HTT: variants seen among roughly 807,000 people sequenced by gnomAD.
HTT encodes the protein huntington disease protein.
Under a neutral mutation model 362.3 loss-of-function variants are expected in HTT, and 104 were observed. That is an observed-to-expected ratio of 0.29 (90% confidence interval 0.24 to 0.34). The LOEUF is 0.34. Ranked by LOEUF, HTT falls within the 10% of genes least tolerant of loss-of-function variation. The probability of loss-of-function intolerance (pLI) is 1.00; values close to 1 mark genes in which losing one functional copy is unlikely to be tolerated. For missense variants in HTT, 3,301 were observed against 3,928.6 expected (o/e 0.84, Z 4.27); for synonymous variants, 1,577 against 1,548.7 (o/e 1.02, Z -0.43).
chr4:3,098,569 C>T (rs1713987333), intron 2 of HTT, among the ~76,000 whole-genome samples: 1 of 152,202 alleles, frequency 6.6e-6, no homozygotes, highest in Non-Finnish European at 1.5e-5. Flanking sequence ...TTAGCTCTCT[C>T]TTGGCTTTGT....
chr4:3,096,547 T>A (rs900016972), intron 2 of HTT, among the ~76,000 whole-genome samples: 2 of 152,196 alleles, frequency 1.3e-5, no homozygotes, highest in Non-Finnish European at 2.9e-5. Flanking sequence ...TAAGTTGGAA[T>A]ATATTATAGG....
chr4:3,168,208 G>A (rs1333519997), intron 29 of HTT, among the ~76,000 whole-genome samples: 1 of 152,208 alleles, frequency 6.6e-6, no homozygotes, highest in Non-Finnish European at 1.5e-5. Flanking sequence ...AGATTGTCAG[G>A]CCAGGCTTGA....
At chr4:3,212,164 C>T (rs1349148835) in intron 48 of HTT, 22 bp downstream of exon 48, 2 of 1,566,358 alleles carry the variant, frequency 1.3e-6, no homozygotes, top group Middle Eastern at 2.0e-4. Context: ...TAAAATTTAT[C>T]TTATTTTTAA....
chr4:3,236,248 T>A lies in HTT; in HGVS notation c.8885T>A (p.Phe2962Tyr). The A allele has an allele frequency of 6.2e-7, 1 of 1,609,630 alleles. No individual in the cohort carries two copies. The highest frequency in any genetic ancestry group is 8.5e-7 in the Non-Finnish European group (1 of 1,175,830). The stretch of plus-strand genomic sequence containing the variant: ...GCTATGGAGCGGGTATCTGTTCTTT[T>A]TGATAGGTAAGAAGCGAAGCCCCAT... The part of the protein sequence containing the change: ...IVAMERVSVL[F>Y]DRIRKGFPCE... The change falls in exon 64 of 67, where the codon TTT becomes TAT. Residue 2962 changes from phenylalanine to tyrosine, a missense_variant. Transcript: ENST00000355072.
At chr4:3,075,648 A>AGGGGGGGGGGGG (rs368641776) in intron 1 of HTT, among the ~76,000 whole-genome samples, 3 of 54,358 alleles carry the variant, frequency 5.5e-5, no homozygotes, top group Admixed American at 2.1e-4. Flanking sequence ...GTGGCGGGGC[A>AGGGGGGGGGGGG]GGGGGGGGGC....
intron 42 of HTT, among the ~76,000 whole-genome samples, chr4:3,204,589 G>A (rs983119461): frequency 4.6e-5 from 7 of 152,210 alleles, no homozygotes; most frequent in Admixed American, 6.5e-5. Flanking sequence ...CAACTCGAGA[G>A]GCTGAGGTAG....
At chr4:3,154,555 G>A in intron 27 of HTT, 136 bp downstream of exon 27, 1 of 1,229,898 alleles carries the variant, frequency 8.1e-7, no homozygotes, top group Non-Finnish European at 1.1e-6. Context: ...TTCTCCAGGT[G>A]CGGTTCAAGA....
Position 3,146,848 on chromosome 4 carries a change from G to T in HTT, c.3195G>T (p.Gly1065=). The T allele has an allele frequency of 6.2e-7, 1 of 1,614,088 alleles. No individual in the cohort carries two copies. The highest frequency in any genetic ancestry group is 8.5e-7 in the Non-Finnish European group (1 of 1,179,962). Residue 1065 remains glycine, a synonymous_variant, in exon 25 of 67, where the codon GGG becomes GGT. Transcript: ENST00000355072. ...AGTCTAGGAAGAGCTGTACCGTTGG[G>T]ATGGCCACAATGATTCTGACCCTGC... The part of the protein sequence containing the change: ...SDESRKSCTV[G]MATMILTLLS...
Position 3,160,409 on chromosome 4 carries a change from T to G in HTT, c.3864+17T>G. 1 of 1,484,636 alleles carries G rather than the reference T, an allele frequency of 6.7e-7. No homozygotes were observed. The highest frequency in any genetic ancestry group is 1.2e-5 in the South Asian group (1 of 82,832). 92.0% of individuals were successfully genotyped at this position (1,484,636 alleles called of 1,614,324 possible). A position where few individuals can be genotyped will look rare whatever the true frequency, so the allele number is the denominator to read the frequency against. On this transcript the variant is annotated intron_variant, in intron 29 of 66. Coordinates refer to ENST00000355072, the MANE Select transcript of HTT (RefSeq NM_001388492.1). ...ATTGGGAAGGTTTGTGTCTTGTTTT[T>G]TCTCCTTGGGTTGTGGCTGGCACAC...
intron 26 of HTT, among the ~76,000 whole-genome samples, chr4:3,151,697 A>G (rs545102101): frequency 6.6e-6 from 1 of 152,072 alleles, no homozygotes; most frequent in Non-Finnish European, 1.5e-5. Flanking sequence ...TTCATCCCGA[A>G]ACCATCCCCC....
chr4:3,102,407 A>C lies in HTT; in HGVS notation c.469-1417A>C, dbSNP rs1489129335. 2.0e-5 allele frequency among the ~76,000 whole-genome samples: 3 copies of C among 152,274 alleles called. No homozygotes were observed. The East Asian group carries it at 5.8e-4, about 29-fold the overall frequency. Reference sequence around the variant, plus strand: ...ACAAAACATTTGTAAAGCTAAATCAAGGTTTGATAAGGCTTCTAGTTTTAT... The same window carrying C: ...ACAAAACATTTGTAAAGCTAAATCACGGTTTGATAAGGCTTCTAGTTTTAT... On this transcript the variant is annotated intron_variant, in intron 3 of 66. Transcript: ENST00000355072.
chr4:3,128,028 G>C (rs1460494862), intron 12 of HTT, among the ~76,000 whole-genome samples: 2 of 151,966 alleles, frequency 1.3e-5, no homozygotes, highest in Non-Finnish European at 2.9e-5. Flanking sequence ...TGCCTCCCAG[G>C]CTCGAGCGAT....
intron 8 of HTT, among the ~76,000 whole-genome samples, chr4:3,117,703 C>T (rs958382127): frequency 6.6e-6 from 1 of 152,050 alleles, no homozygotes; most frequent in African/African-American, 2.4e-5. Flanking sequence ...TGTGGTGATG[C>T]ATGCCTGTAG....
intron 29 of HTT, among the ~76,000 whole-genome samples, chr4:3,164,433 C>T (rs1308180650): frequency 6.6e-6 from 1 of 152,184 alleles, no homozygotes; most frequent in Non-Finnish European, 1.5e-5. Context: ...CTGTAGATGT[C>T]TATTAGGTCC....
rs141074696 is a variant in HTT, at chr4:3,089,240, A to G, written c.347+2218A>G. On this transcript the variant is annotated intron_variant, in intron 2 of 66. Coordinates refer to ENST00000355072, the MANE Select transcript of HTT (RefSeq NM_001388492.1). The stretch of plus-strand genomic sequence containing the variant: ...ATCCCATTGCGATGCCCATCATCCA[A>G]AGCTATATGTTATCTTTACTTTTTT... 1.9e-3 allele frequency among the ~76,000 whole-genome samples: 283 copies of G among 152,224 alleles called. 1 individual carries two copies. The highest frequency in any genetic ancestry group is 6.8e-3 in the Middle Eastern group (2 of 294).
chr4:3,200,322 A>G (rs961558601), intron 41 of HTT, among the ~76,000 whole-genome samples: 1 of 152,190 alleles, frequency 6.6e-6, no homozygotes, highest in Non-Finnish European at 1.5e-5. Flanking sequence ...GGTTCTGGTT[A>G]TCCTTAGATA....
rs1721347082 is a variant in HTT at position 3,233,234 on chromosome 4, G to A, written c.8337G>A (p.Arg2779=). 6.2e-7 allele frequency: 1 copy of A among 1,608,426 alleles called. No individual in the cohort carries two copies. Among genetic ancestry groups the A allele is most frequent in the Non-Finnish European group, 8.5e-7 (1 of 1,175,932 alleles). ...STLRSSHLPS[R]VGALHGVLYV... is the part of the protein sequence containing the mutation. ...TCAGGAGCAGCCACCTGCCCAGCAG[G>A]GTTGGAGCCCTGCACGGCGTCCTCT... is the stretch of plus-strand genomic sequence containing the variant. The change falls in exon 61 of 67, where the codon AGG becomes AGA. Residue 2779 remains arginine, a synonymous_variant. Transcript: ENST00000355072.
chr4:3,093,240 A>G (rs1468503866), intron 2 of HTT, among the ~76,000 whole-genome samples: 1 of 152,158 alleles, frequency 6.6e-6, no homozygotes, highest in African/African-American at 2.4e-5. Flanking sequence ...GGCCAGGAAG[A>G]ATTTCTAATC....
intron 50 of HTT, 58 bp from the exon 51 acceptor site, chr4:3,215,051 AT>A: frequency 7.3e-7 from 1 of 1,361,466 alleles, no homozygotes. Flanking sequence ...AAAATGTTGA[AT>A]AAAAAGCACT....
Sources: allele counts gnomAD v4.1 joint callset (sites outside exome capture counted in the v4.1 genomes callset), GRCh38; gene constraint gnomAD v4.1.1; transcripts MANE v1.5; gene names NCBI Gene and HGNC (gene_info 2026-07-23, HGNC 2026-07-21).